Variants in GNA15 observed in about 807,000 individuals in gnomAD.
GNA15 encodes G protein subunit alpha 15.
Under a neutral mutation model 40.1 loss-of-function variants are expected in GNA15, and 23 were observed. The ratio of observed to expected loss-of-function variants is 0.57; its 90% confidence interval spans 0.41 to 0.81. The LOEUF is 0.81. Among genes scored for constraint, GNA15 ranks in the 40% least tolerant of loss-of-function variants. The pLI is 0.00. For synonymous variants in GNA15, 226 were observed against 210.4 expected (o/e 1.07, Z -0.64); for missense variants, 522 against 515.8 (o/e 1.01, Z -0.12).
intron 1 of GNA15, among the ~76,000 whole-genome samples, chr19:3,145,355 A>T (rs1468763241): frequency 1.2e-3 from 43 of 36,370 alleles, no homozygotes; most frequent in South Asian, 2.0e-3. Context: ...ATATATATAT[A>T]TATATTTTTT....
intron 5 of GNA15, among the ~76,000 whole-genome samples, chr19:3,156,630 T>C (rs1915036895): frequency 6.6e-6 from 1 of 151,718 alleles, no homozygotes; most frequent in Non-Finnish European, 1.5e-5. Flanking sequence ...GTAGGTGGGA[T>C]TACAGGCACC....
intron 1 of GNA15, 149 bp from the exon 2 acceptor site, chr19:3,148,442 A>G: frequency 1.4e-6 from 1 of 701,078 alleles, no homozygotes; most frequent in Non-Finnish European, 2.3e-6. Flanking sequence ...CAAAGCCGCT[A>G]GCCTAGGGTC....
chr19:3,157,371 A>G (rs904333284), intron 5 of GNA15, among the ~76,000 whole-genome samples: 1 of 152,088 alleles, frequency 6.6e-6, no homozygotes, highest in Non-Finnish European at 1.5e-5. Flanking sequence ...GCCTCACCTT[A>G]ACGACCTCTT....
chr19:3,151,786 A>G lies in GNA15; in HGVS notation c.565A>G (p.Thr189Ala). 2.5e-6 allele frequency: 4 copies of G among 1,612,794 alleles called. No homozygotes were observed. The highest frequency in any genetic ancestry group is 3.4e-6 in the Non-Finnish European group (4 of 1,179,618). The change falls in exon 4 of 7, where the codon ACC becomes GCC. Residue 189 changes from threonine (T) to alanine (A), a missense_variant. By Grantham distance (58) the Thr-to-Ala change is moderately conservative (BLOSUM62 0). Coordinates refer to ENST00000262958, the MANE Select transcript of GNA15 (RefSeq NM_002068.4). The surrounding 1 kb of genome is among the most constrained non-coding windows in gnomAD (Gnocchi z 5.0). ...AQDVLRSRMPTTGINEYCFSV... is the reference protein window; with the variant it reads ...AQDVLRSRMPATGINEYCFSV... ...GGACGTGCTCCGCAGCCGCATGCCC[A>G]CCACTGGCATCAACGAGTACTGCTT...
chr19:3,155,021 G>C lies in GNA15; in HGVS notation c.615-802G>C, dbSNP rs932488972. On this transcript the variant is annotated intron_variant, in intron 4 of 6. Coordinates refer to ENST00000262958, the MANE Select transcript of GNA15 (RefSeq NM_002068.4). The surrounding 1 kb of genome is among the most constrained non-coding windows in gnomAD (Gnocchi z 5.6). ...CCCCCTCTCGACGGCTGCTTACCCT[G>C]TCTGGCTCTGGATGTGGGGTTTGAG... 6.6e-6 allele frequency: 1 copy of C among 152,212 alleles called. No individual in the cohort carries two copies. Among genetic ancestry groups the C allele is most frequent in the African/African-American group, 2.4e-5 (1 of 41,426 alleles). The allele number at this position is 152,212 out of a possible 1,614,324, so 9.4% of individuals were successfully genotyped here.
chr19:3,162,341 G>A (rs958967431), intron 6 of GNA15, among the ~76,000 whole-genome samples: 31 of 150,856 alleles, frequency 2.1e-4, no homozygotes, highest in Admixed American at 7.9e-4. Flanking sequence ...TGCCAAGATT[G>A]CACCATTGCA....
chr19:3,150,191 T>C lies in GNA15; in HGVS notation c.391T>C (p.Tyr131His). Reference protein sequence around the residue: ...PYKVTTFEKRYAAAMQWLWRD... With the variant: ...PYKVTTFEKRHAAAMQWLWRD... ...TAAAGTGACCACGTTTGAGAAGCGC[T>C]ACGCTGCGGCCATGCAGTGGCTGTG... Residue 131 changes from tyrosine (Y) to histidine (H), a missense_variant, in exon 3 of 7, where the codon TAC (tyrosine) becomes CAC (histidine). Transcript: ENST00000262958. The C allele has an allele frequency of 6.2e-7, 1 of 1,613,052 alleles. No homozygotes were observed. The highest frequency in any genetic ancestry group is 8.5e-7 in the Non-Finnish European group (1 of 1,179,572).
At chr19:3,145,546 C>A in intron 1 of GNA15, among the ~76,000 whole-genome samples, 1 of 95,146 alleles carries the variant, frequency 1.1e-5, no homozygotes, top group East Asian at 2.8e-4. Flanking sequence ...GACCTGGTAC[C>A]TTTTTTTATT....
intron 6 of GNA15, among the ~76,000 whole-genome samples, chr19:3,159,062 C>T (rs936519856): frequency 2.6e-5 from 4 of 151,818 alleles, no homozygotes; most frequent in Admixed American, 6.6e-5. Context: ...TCTCGCTCTG[C>T]TGCCCAGGCT....
chr19:3,148,284 C>T lies in GNA15; in HGVS notation c.146-307C>T, dbSNP rs60228613. Among the ~76,000 whole-genome samples, 765 of 152,152 alleles carry T rather than the reference C, an allele frequency of 5.0e-3. 35 individuals are homozygous for T. In the East Asian group the frequency reaches 0.1, roughly 21 times the overall value. ...TGTATTTTTAATAGAGATGGGGTTT[C>T]GCCATGTTTACCAGGTTGGTCTCTA... is the stretch of plus-strand genomic sequence containing the variant. On this transcript the variant is annotated intron_variant, in intron 1 of 6. Coordinates refer to ENST00000262958, the MANE Select transcript of GNA15 (RefSeq NM_002068.4).
Position 3,136,262 on chromosome 19 carries a change from G to C in GNA15, c.-189G>C, listed in dbSNP as rs1013286167. On this transcript the variant is annotated 5_prime_UTR_variant, in exon 1 of 7. Coordinates refer to ENST00000262958, the MANE Select transcript of GNA15 (RefSeq NM_002068.4). The surrounding 1 kb of genome is among the most constrained non-coding windows in gnomAD (Gnocchi z 4.9). ...CCAGCACTCAAGCCTTGCCACCGCCGAGCCGGGCTTCCTGGGTGTTTCAGG... is the reference window on the plus strand; with the variant it reads ...CCAGCACTCAAGCCTTGCCACCGCCCAGCCGGGCTTCCTGGGTGTTTCAGG... 3.4e-6 allele frequency: 2 copies of C among 592,158 alleles called. No homozygotes were observed. The highest frequency in any genetic ancestry group is 5.8e-6 in the Non-Finnish European group (2 of 342,512). 36.7% of individuals were successfully genotyped at this position (592,158 alleles called of 1,614,324 possible).
At chr19:3,148,514 G>T (rs1914788534) in intron 1 of GNA15, 77 bp from the exon 2 acceptor site, 1 of 1,388,220 alleles carries the variant, frequency 7.2e-7, no homozygotes, top group Non-Finnish European at 9.7e-7. Flanking sequence ...GGAGTTGGGG[G>T]TGTCTGACGT....
At chr19:3,150,323 G>C (rs765151459) in intron 3 of GNA15, 38 bp downstream of exon 3, 7 of 1,500,316 alleles carry the variant, frequency 4.7e-6, no homozygotes, top group Non-Finnish European at 6.2e-6. Flanking sequence ...CGCGTGGGGA[G>C]GGGCTGAGGG....
At chr19:3,144,678 G>A (rs143333770) in intron 1 of GNA15, among the ~76,000 whole-genome samples, 1,560 of 151,126 alleles carry the variant, frequency 0.01, 34 homozygotes, top group African/African-American at 0.036. Context: ...ACAGGCGCCC[G>A]CCACCATGCC....
At chr19:3,153,565 A>G (rs1301617130) in intron 4 of GNA15, among the ~76,000 whole-genome samples, 3 of 149,380 alleles carry the variant, frequency 2.0e-5, no homozygotes, top group Non-Finnish European at 4.5e-5. Context: ...GGGTGGATGA[A>G]TGGGTGGATG....
chr19:3,146,406 C>T (rs1482572669), intron 1 of GNA15: 2 of 152,248 alleles, frequency 1.3e-5, no homozygotes, highest in African/African-American at 2.4e-5. Flanking sequence ...CCTCTAGTCC[C>T]AGGCTCTTGA....
intron 6 of GNA15, among the ~76,000 whole-genome samples, chr19:3,162,418 G>A (rs1430072100): frequency 6.7e-6 from 1 of 149,760 alleles, no homozygotes; most frequent in Non-Finnish European, 1.5e-5. Context: ...TCTTCCCCTC[G>A]TTTGGCCTTG....
rs1263741113 is a variant in GNA15 at position 3,136,602 on chromosome 19, C to A, written c.145+7C>A. ...CTGAAGCTGCTGCTTTTGGGTGAGT[C>A]CAGGGTCGGTGGGCGGTGGGTGGTG... On this transcript the variant is annotated splice_region_variant and intron_variant, in intron 1 of 6. Transcript: ENST00000262958. This position sits in a 1 kb window ranked among gnomAD's most constrained non-coding sequence, Gnocchi z 4.9. 1 of 1,551,522 alleles carries A rather than the reference C, an allele frequency of 6.4e-7. No individual in the cohort carries two copies. Among genetic ancestry groups the A allele is most frequent in the Admixed American group, 1.9e-5 (1 of 51,292 alleles).
At chr19:3,162,155 A>G (rs1171712331) in intron 6 of GNA15, among the ~76,000 whole-genome samples, 1 of 152,136 alleles carries the variant, frequency 6.6e-6, no homozygotes, top group Non-Finnish European at 1.5e-5. Flanking sequence ...AACCCTATGC[A>G]GGGCTGGGCA....
Sources: gnomAD v4.1 joint callset for allele counts (sites outside exome capture counted in the v4.1 genomes callset) on GRCh38, gnomAD v4.1.1 for gene constraint, Gnocchi (gnomAD v3.1) non-coding constraint, MANE v1.5 for transcripts, NCBI Gene and HGNC (gene_info 2026-07-23, HGNC 2026-07-21) for gene names.